The following HDAC1 variants were observed in gnomAD, a reference collection of about 807,000 sequenced individuals.
HDAC1 encodes histone deacetylase 1.
A neutral mutation model predicts 65.5 loss-of-function variants in HDAC1; 18 were observed. The observed-to-expected ratio is 0.27, with a 90% CI of 0.19 to 0.41. The LOEUF (loss-of-function observed/expected upper bound fraction) is 0.41, where lower values mean the gene tolerates loss of function less well. Among genes scored for constraint, HDAC1 ranks in the 10% least tolerant of loss-of-function variants. HDAC1 has a pLI of 1.00. For synonymous variants in HDAC1, 211 were observed against 227.9 expected, an observed-to-expected ratio of 0.93 and a Z score of 0.67; for missense variants, 373 against 625.2, an observed-to-expected ratio of 0.60 and a Z score of 4.30.
chr1:32,332,871 C>A, intron 13 of HDAC1, 122 bp downstream of exon 13: 1 of 1,159,898 alleles, frequency 8.6e-7, no homozygotes, highest in Non-Finnish European at 1.3e-6. Context: ...TTTCAGGGAC[C>A]AGTCTGTCCA....
chr1:32,302,655 C>A lies in HDAC1; in HGVS notation c.84C>A (p.His28Gln). The A allele has an allele frequency of 6.2e-7, 1 of 1,603,296 alleles. No individual in the cohort carries two copies. ...DVGNYYYGQG[H>Q]PMKPHRIRMT... ...GAAATTACTATTATGGACAAGGCCACCCAATGAAGCCTCACCGAATCCGCA... is the reference window on the plus strand; with the variant it reads ...GAAATTACTATTATGGACAAGGCCAACCAATGAAGCCTCACCGAATCCGCA... The change falls in exon 2 of 14, where the codon CAC becomes CAA. Residue 28 changes from histidine (H) to glutamine (Q), a missense_variant. Transcript: ENST00000373548.
chr1:32,303,355 C>T (rs932875186), intron 2 of HDAC1, among the ~76,000 whole-genome samples: 13 of 152,018 alleles, frequency 8.6e-5, no homozygotes, highest in Admixed American at 5.9e-4. Context: ...TACTTAGGAG[C>T]CTAAGCTAGG....
intron 1 of HDAC1, among the ~76,000 whole-genome samples, chr1:32,294,954 A>G (rs1264248584): frequency 1.3e-5 from 2 of 151,614 alleles, no homozygotes; most frequent in African/African-American, 2.4e-5. Context: ...GGCCTAAGCC[A>G]CTGTTTTTTT....
intron 3 of HDAC1, among the ~76,000 whole-genome samples, chr1:32,318,052 C>T (rs552102905): frequency 1.5e-4 from 23 of 152,314 alleles, no homozygotes; most frequent in East Asian, 1.9e-4. Context: ...CTCCGTCTCC[C>T]GGCTTCAAGC....
At position 32,333,248 on chromosome 1, in the gene HDAC1, C is replaced by G. The variant is rs1641324538; in HGVS notation, c.*204C>G. On this transcript the variant is annotated 3_prime_UTR_variant, in exon 14 of 14. Transcript: ENST00000373548. ...GGAGCCACCTTGCCACCCATTCTTC[C>G]CGTTCTTAACTTTGAACCATAAAGG... 3 of 465,836 alleles carry G rather than the reference C, an allele frequency of 6.4e-6. No individual in the cohort carries two copies. The highest frequency in any genetic ancestry group is 1.1e-5 in the Non-Finnish European group (3 of 262,796). The allele number at this position is 465,836 out of a possible 1,614,324, so 28.9% of individuals were successfully genotyped here. A position where few individuals can be genotyped will look rare whatever the true frequency, so the allele number is the denominator to read the frequency against.
intron 4 of HDAC1, among the ~76,000 whole-genome samples, chr1:32,326,721 TG>T (rs1457659774): frequency 6.9e-6 from 1 of 144,106 alleles, no homozygotes; most frequent in East Asian, 2.1e-4. Flanking sequence ...GGCCTGCTAA[TG>T]GGTTACTACC....
In HDAC1 at chr1:32,333,009, C is replaced by T; in HGVS notation, c.1422-8C>T. The T allele has an allele frequency of 1.2e-6, 2 of 1,613,626 alleles. No homozygotes were observed. Among genetic ancestry groups the T allele is most frequent in the Admixed American group, 3.3e-5 (2 of 59,992 alleles). ...GTCATCTCATGCCAGTCTCTGCTCT[C>T]TCCACAGGGTCAAGGAGGAGGTCAA... is the stretch of plus-strand genomic sequence containing the variant. On this transcript the variant is annotated splice_polypyrimidine_tract_variant and splice_region_variant and intron_variant, in intron 13 of 13. Transcript: ENST00000373548.
At chr1:32,299,209 TC>T (rs1640812858) in intron 1 of HDAC1, among the ~76,000 whole-genome samples, 1 of 151,996 alleles carries the variant, frequency 6.6e-6, no homozygotes, top group African/African-American at 2.4e-5. Context: ...TGCTGTGTGC[TC>T]CCCTGTCATA....
In HDAC1 at chr1:32,302,705, A is replaced by G; in HGVS notation, c.134A>G (p.Tyr45Cys). 6.3e-7 allele frequency: 1 copy of G among 1,593,816 alleles called. No homozygotes were observed. Reference protein sequence around the residue: ...IRMTHNLLLNYGLYRKMEIYR... With the variant: ...IRMTHNLLLNCGLYRKMEIYR... ...ATGACTCATAATTTGCTGCTCAACT[A>G]TGGTCTCTACCGAAAAATGGAAATC... The change falls in exon 2 of 14, where the codon TAT (tyrosine) becomes TGT (cysteine). Residue 45 changes from tyrosine to cysteine, a missense_variant. Physicochemically the swap from Tyr to Cys is radical, Grantham distance 194. Around this residue, in one of 4 missense-constraint regions of HDAC1, gnomAD observed 80 missense variants for 126.3 expected, o/e 0.63. Coordinates refer to ENST00000373548, the MANE Select transcript of HDAC1 (RefSeq NM_004964.3).
At chr1:32,297,235 G>A (rs1015230640) in intron 1 of HDAC1, among the ~76,000 whole-genome samples, 8 of 152,102 alleles carry the variant, frequency 5.3e-5, no homozygotes, top group African/African-American at 1.9e-4. Context: ...TGATAACATT[G>A]TCAGTTTAAA....
At chr1:32,314,297 AT>A (rs1333440720) in intron 2 of HDAC1, among the ~76,000 whole-genome samples, 5 of 152,024 alleles carry the variant, frequency 3.3e-5, no homozygotes, top group African/African-American at 4.8e-5. Context: ...GGCTCAGGTG[AT>A]CCTCCCACCT....
intron 6 of HDAC1, among the ~76,000 whole-genome samples, chr1:32,328,567 C>T (rs1641250126): frequency 6.6e-6 from 1 of 152,202 alleles, no homozygotes; most frequent in South Asian, 2.1e-4. Flanking sequence ...GATTCACCCG[C>T]CTCAGCCTCC....
chr1:32,292,104 G>T lies in HDAC1; in HGVS notation c.-66G>T. On this transcript the variant is annotated 5_prime_UTR_variant, in exon 1 of 14. Coordinates refer to ENST00000373548, the MANE Select transcript of HDAC1 (RefSeq NM_004964.3). Reference sequence around the variant, plus strand: ...CCGCCCCCTCCCCCCTGGGTCGGACGCTGAGCGGAGCCGCGGGCGGGAGGG... The same window carrying T: ...CCGCCCCCTCCCCCCTGGGTCGGACTCTGAGCGGAGCCGCGGGCGGGAGGG... The T allele has an allele frequency of 2.7e-6, 4 of 1,496,502 alleles. No homozygotes were observed. The highest frequency in any genetic ancestry group is 3.6e-6 in the Non-Finnish European group (4 of 1,101,706). 92.7% of individuals were successfully genotyped at this position (1,496,502 alleles called of 1,614,324 possible).
At chr1:32,324,405 T>G in intron 3 of HDAC1, 74 bp from the exon 4 acceptor site, 1 of 1,027,068 alleles carries the variant, frequency 9.7e-7, no homozygotes, top group South Asian at 1.3e-5. Context: ...AATTCTGTGT[T>G]TTTTTCCATC....
intron 1 of HDAC1, among the ~76,000 whole-genome samples, chr1:32,299,247 A>G (rs1640813375): frequency 6.6e-6 from 1 of 152,094 alleles, no homozygotes; most frequent in South Asian, 2.1e-4. Flanking sequence ...ATAGGAATAC[A>G]CACAGCACGG....
chr1:32,300,138 C>T (rs1007657136), intron 1 of HDAC1, among the ~76,000 whole-genome samples: 2 of 152,164 alleles, frequency 1.3e-5, no homozygotes, highest in Admixed American at 1.3e-4. Context: ...CCAGATCAGT[C>T]ATTAGCTGTG....
At chr1:32,332,050 C>T (rs1641299614) in intron 11 of HDAC1, 40 bp from the exon 12 acceptor site, 2 of 1,521,148 alleles carry the variant, frequency 1.3e-6, no homozygotes, top group Non-Finnish European at 1.8e-6. Flanking sequence ...TAAATCAGCA[C>T]CCGCCTGCCC....
Position 32,330,241 on chromosome 1 carries a change from A to G in HDAC1, c.730-337A>G, listed in dbSNP as rs1269880617. 1.3e-5 allele frequency: 4 copies of G among 299,152 alleles called. No homozygotes were observed. Among genetic ancestry groups the G allele is most frequent in the Non-Finnish European group, 2.6e-5 (4 of 155,990 alleles). The allele number at this position is 299,152 out of a possible 1,614,324, so 18.5% of individuals were successfully genotyped here. A position where few individuals can be genotyped will look rare whatever the true frequency, so the allele number is the denominator to read the frequency against. ...GGCTTCAAGTCTGTAAGACCGAATG[A>G]GTAGAGTAGATGCAGCTAAAGGTCA... On this transcript the variant is annotated intron_variant, in intron 7 of 13. Coordinates refer to ENST00000373548, the MANE Select transcript of HDAC1 (RefSeq NM_004964.3). This position sits in a 1 kb window ranked among gnomAD's most constrained non-coding sequence, Gnocchi z 4.2.
intron 3 of HDAC1, among the ~76,000 whole-genome samples, chr1:32,318,858 C>T (rs976845115): frequency 2.6e-5 from 4 of 152,132 alleles, no homozygotes; most frequent in Non-Finnish European, 5.9e-5. Context: ...GTGGCTTACG[C>T]CTGTAATCCC....
Sources: allele counts gnomAD v4.1 joint callset (sites outside exome capture counted in the v4.1 genomes callset), GRCh38; gene constraint gnomAD v4.1.1; regional missense constraint gnomAD v4.1.1; non-coding constraint Gnocchi (gnomAD v3.1); transcripts MANE v1.5; gene names NCBI Gene and HGNC (gene_info 2026-07-23, HGNC 2026-07-21).